The following PALLD variants were observed in gnomAD, a reference collection of about 807,000 sequenced individuals.
The protein encoded by PALLD is palladin.
PALLD carries 61 observed loss-of-function variants against 123.5 expected under a neutral mutation model. That is an observed-to-expected ratio of 0.49 (90% CI 0.40 to 0.61). The LOEUF is 0.61. Among genes scored for constraint, PALLD ranks in the 20% least tolerant of loss-of-function variants. PALLD has a pLI of 0.00. For missense variants in PALLD, 1,273 were observed against 1,377.0 expected, an observed-to-expected ratio of 0.92 and a Z score of 1.20; for synonymous variants, 465 against 496.4, an observed-to-expected ratio of 0.94 and a Z score of 0.84.
At chr4:168,895,300 T>A (rs1241691387) in intron 12 of PALLD, among the ~76,000 whole-genome samples, 1 of 152,166 alleles carries the variant, frequency 6.6e-6, no homozygotes, top group African/African-American at 2.4e-5. Context: ...GAGAATTGCT[T>A]GAACCCGGGA....
intron 10 of PALLD, among the ~76,000 whole-genome samples, chr4:168,740,459 G>C (rs950575303): frequency 6.6e-6 from 1 of 152,120 alleles, no homozygotes; most frequent in African/African-American, 2.4e-5. Context: ...GAATTAACAA[G>C]GAGTTTCATC....
chr4:168,862,403 T>C (rs903656167), intron 10 of PALLD, among the ~76,000 whole-genome samples: 4 of 151,948 alleles, frequency 2.6e-5, no homozygotes, highest in Admixed American at 6.6e-5. Flanking sequence ...CACCTCAACC[T>C]CCCAAAGTGC....
intron 2 of PALLD, among the ~76,000 whole-genome samples, chr4:168,647,080 A>T (rs1422971886): frequency 6.6e-6 from 1 of 152,250 alleles, no homozygotes; most frequent in Non-Finnish European, 1.5e-5. Flanking sequence ...TCCACCACTC[A>T]AAATAAAAAA....
intron 10 of PALLD, among the ~76,000 whole-genome samples, chr4:168,826,658 G>A (rs940466502): frequency 6.6e-6 from 1 of 151,972 alleles, no homozygotes; most frequent in East Asian, 1.9e-4. Flanking sequence ...ACTGTGTTTT[G>A]CAAAAACAAA....
intron 6 of PALLD, among the ~76,000 whole-genome samples, chr4:168,689,736 C>T (rs1481314025): frequency 6.6e-6 from 1 of 151,982 alleles, no homozygotes. Flanking sequence ...ATGTGAGCCA[C>T]CACACCTGGC....
At chr4:168,640,993 G>A (rs2710858) in intron 2 of PALLD, among the ~76,000 whole-genome samples, 27,576 of 152,100 alleles carry the variant, frequency 0.18, 3,011 homozygotes, top group African/African-American at 0.31. Flanking sequence ...CGGATCATGA[G>A]GTCAGGAGAT....
intron 14 of PALLD, among the ~76,000 whole-genome samples, chr4:168,902,997 G>A (rs1441863634): frequency 1.3e-5 from 2 of 152,052 alleles, no homozygotes; most frequent in South Asian, 2.1e-4. Context: ...TCCTGGGCTT[G>A]AGCAATCCTC....
intron 10 of PALLD, among the ~76,000 whole-genome samples, chr4:168,860,689 G>A (rs888934483): frequency 1.4e-4 from 21 of 152,170 alleles, no homozygotes; most frequent in South Asian, 2.1e-4. Context: ...GTGCCTGGTG[G>A]TGCACGTCTG....
At chr4:168,715,111 C>G (rs893884608) in intron 10 of PALLD, among the ~76,000 whole-genome samples, 5 of 152,072 alleles carry the variant, frequency 3.3e-5, no homozygotes, top group African/African-American at 1.2e-4. Context: ...TATGATACCT[C>G]TCATAAAGTA....
chr4:168,549,764 A>C (rs1766536626), intron 2 of PALLD, among the ~76,000 whole-genome samples: 1 of 139,808 alleles, frequency 7.2e-6, no homozygotes, highest in Non-Finnish European at 1.6e-5. Context: ...CAATAGTTCA[A>C]GGAACAAGAA....
intron 10 of PALLD, among the ~76,000 whole-genome samples, chr4:168,727,005 C>T (rs1433307734): frequency 6.6e-6 from 1 of 152,164 alleles, no homozygotes; most frequent in Non-Finnish European, 1.5e-5. Context: ...CATTAATTTG[C>T]TTAGGATTAT....
chr4:168,817,362 G>A (rs552539045), intron 10 of PALLD, among the ~76,000 whole-genome samples: 2 of 152,284 alleles, frequency 1.3e-5, no homozygotes, highest in South Asian at 2.1e-4. Context: ...AGAAATATCT[G>A]GAAACCCATT....
At chr4:168,816,730 G>A (rs1742010010) in intron 10 of PALLD, among the ~76,000 whole-genome samples, 1 of 151,756 alleles carries the variant, frequency 6.6e-6, no homozygotes, top group Non-Finnish European at 1.5e-5. Flanking sequence ...TTTCCAAAAG[G>A]TACTCCTTAA....
At chr4:168,847,376 A>G (rs1747021078) in intron 10 of PALLD, among the ~76,000 whole-genome samples, 2 of 152,240 alleles carry the variant, frequency 1.3e-5, no homozygotes, top group African/African-American at 4.8e-5. Flanking sequence ...AAAGCATGAA[A>G]TAAACCTTCA....
chr4:168,821,465 A>T (rs1742701210), intron 10 of PALLD, among the ~76,000 whole-genome samples: 1 of 152,046 alleles, frequency 6.6e-6, no homozygotes, highest in Non-Finnish European at 1.5e-5. Flanking sequence ...ATGTGTGTGT[A>T]TGCAGATATG....
At chr4:168,798,497 T>G (rs960506459) in intron 10 of PALLD, among the ~76,000 whole-genome samples, 1 of 152,126 alleles carries the variant, frequency 6.6e-6, no homozygotes, top group Non-Finnish European at 1.5e-5. Context: ...TTTGGTAAAA[T>G]TTTCTTACCG....
At chr4:168,655,742 G>A in intron 2 of PALLD, among the ~76,000 whole-genome samples, 1 of 152,184 alleles carries the variant, frequency 6.6e-6, no homozygotes, top group East Asian at 1.9e-4. Flanking sequence ...TTAAGGCAAG[G>A]AACTGGGGGT....
chr4:168,790,941 C>T (rs1467758631), intron 10 of PALLD, among the ~76,000 whole-genome samples: 2 of 152,206 alleles, frequency 1.3e-5, no homozygotes, highest in African/African-American at 4.8e-5. Flanking sequence ...GACTCTCTCT[C>T]CATTAATTCT....
intron 2 of PALLD, among the ~76,000 whole-genome samples, chr4:168,585,762 G>C (rs1190943538): frequency 6.6e-6 from 1 of 152,170 alleles, no homozygotes; most frequent in African/African-American, 2.4e-5. Context: ...GTGGAACCAA[G>C]CAGCCCACGC....
Sources: allele counts gnomAD v4.1 joint callset (sites outside exome capture counted in the v4.1 genomes callset), GRCh38; gene constraint gnomAD v4.1.1; transcripts MANE v1.5; gene names NCBI Gene and HGNC (gene_info 2026-07-23, HGNC 2026-07-21).